The following GPC6 variants were observed in gnomAD, a reference collection of about 807,000 sequenced individuals.
GPC6 encodes glypican-6.
A neutral mutation model predicts 55.2 loss-of-function variants in GPC6; 14 were observed. That is an observed-to-expected ratio of 0.25 (90% confidence interval 0.17 to 0.40). GPC6 has a LOEUF of 0.40. Ranked by LOEUF, GPC6 falls within the 10% of genes least tolerant of loss-of-function variation. GPC6 has a pLI of 1.00. For synonymous variants in GPC6, 278 were observed against 259.6 expected (o/e 1.07, Z -0.68); for missense variants, 641 against 708.5 (o/e 0.90, Z 1.08).
At chr13:94,174,388 A>G (rs1888673765) in intron 4 of GPC6, among the ~76,000 whole-genome samples, 1 of 152,168 alleles carries the variant, frequency 6.6e-6, no homozygotes. Context: ...GAGTTAGAGG[A>G]CACAATGGGG....
intron 4 of GPC6, among the ~76,000 whole-genome samples, chr13:94,273,463 A>G (rs1892106861): frequency 6.6e-6 from 1 of 152,244 alleles, no homozygotes; most frequent in South Asian, 2.1e-4. Flanking sequence ...AGACTTAAAG[A>G]GAAGCTTAAT....
chr13:94,360,464 A>G (rs1015561441), intron 6 of GPC6, among the ~76,000 whole-genome samples: 3 of 152,146 alleles, frequency 2.0e-5, no homozygotes, highest in African/African-American at 7.2e-5. Flanking sequence ...GGCTGATTTA[A>G]AATGTTATCT....
At chr13:94,066,434 C>A (rs1343179357) in intron 4 of GPC6, among the ~76,000 whole-genome samples, 1 of 152,090 alleles carries the variant, frequency 6.6e-6, no homozygotes, top group Non-Finnish European at 1.5e-5. Context: ...AAAAAAGAGA[C>A]TATCACATAT....
chr13:93,909,078 G>T (rs1253647503), intron 3 of GPC6, among the ~76,000 whole-genome samples: 1 of 152,150 alleles, frequency 6.6e-6, no homozygotes, highest in Non-Finnish European at 1.5e-5. Context: ...GCAAAGGCAA[G>T]CACCTGAGTG....
rs554878031 is a variant in GPC6, at chr13:93,753,210, G to A, written c.320-76944G>A. The stretch of plus-strand genomic sequence containing the variant: ...TAGTGTCTCGTTACTTAGTGTTGGC[G>A]GAATGTCTTCCATGTCACTTCAGTG... On this transcript the variant is annotated intron_variant, in intron 2 of 8. Transcript: ENST00000377047. Among the ~76,000 whole-genome samples the A allele has an allele frequency of 3.9e-5, 6 of 152,190 alleles. No individual in the cohort carries two copies. The East Asian group carries it at 5.8e-4, about 15-fold the overall frequency.
At chr13:93,698,633 A>G (rs1594381588) in intron 2 of GPC6, among the ~76,000 whole-genome samples, 1 of 150,872 alleles carries the variant, frequency 6.6e-6, no homozygotes, top group Non-Finnish European at 1.5e-5. Context: ...TTCTGAATTG[A>G]TCATCTATTC....
chr13:94,200,950 C>G (rs1369395711), intron 4 of GPC6, among the ~76,000 whole-genome samples: 2 of 152,228 alleles, frequency 1.3e-5, no homozygotes, highest in African/African-American at 4.8e-5. Context: ...TGCCAGGAAA[C>G]AGGCAGCGCA....
At chr13:94,121,372 C>T (rs958278366) in intron 4 of GPC6, among the ~76,000 whole-genome samples, 12 of 148,248 alleles carry the variant, frequency 8.1e-5, no homozygotes, top group Admixed American at 6.7e-4. Context: ...AGGATAATTA[C>T]TTTTGTATAT....
intron 2 of GPC6, among the ~76,000 whole-genome samples, chr13:93,660,120 T>C (rs1041953982): frequency 6.6e-6 from 1 of 152,134 alleles, no homozygotes; most frequent in Non-Finnish European, 1.5e-5. Flanking sequence ...TTGTGTCTAT[T>C]TTTTATTATG....
chr13:94,029,996 C>T (rs924364266), intron 4 of GPC6, among the ~76,000 whole-genome samples: 24 of 150,430 alleles, frequency 1.6e-4, no homozygotes, highest in African/African-American at 5.6e-4. Flanking sequence ...CATACCCTTT[C>T]TTCCCGTCTT....
intron 2 of GPC6, among the ~76,000 whole-genome samples, chr13:93,694,746 C>G (rs1168141099): frequency 6.6e-6 from 1 of 152,142 alleles, no homozygotes. Context: ...TACTCTCAGG[C>G]AAACACTGAA....
At chr13:93,261,910 T>G (rs1317328702) in intron 1 of GPC6, among the ~76,000 whole-genome samples, 1 of 146,434 alleles carries the variant, frequency 6.8e-6, no homozygotes, top group Admixed American at 7.0e-5. Context: ...CACATTTATC[T>G]CCTATCTCTC....
intron 4 of GPC6, among the ~76,000 whole-genome samples, chr13:94,227,874 C>T (rs1890607553): frequency 1.3e-5 from 2 of 152,126 alleles, no homozygotes; most frequent in South Asian, 2.1e-4. Flanking sequence ...CCTGGAGAGT[C>T]TCATACCAGC....
At chr13:93,823,946 G>C (rs1484489742) in intron 2 of GPC6, among the ~76,000 whole-genome samples, 1 of 152,110 alleles carries the variant, frequency 6.6e-6, no homozygotes, top group Admixed American at 6.6e-5. Context: ...ATGAGATGCA[G>C]AAGTGGCAAA....
chr13:93,941,460 G>C (rs1467997382), intron 3 of GPC6, among the ~76,000 whole-genome samples: 1 of 152,236 alleles, frequency 6.6e-6, no homozygotes, highest in Non-Finnish European at 1.5e-5. Flanking sequence ...TGTGGCATGT[G>C]ATTAAGCAGC....
chr13:94,056,444 G>A (rs1884137292), intron 4 of GPC6, among the ~76,000 whole-genome samples: 1 of 152,118 alleles, frequency 6.6e-6, no homozygotes, highest in Non-Finnish European at 1.5e-5. Flanking sequence ...AATACACGTG[G>A]AGAATGTCAC....
At chr13:93,254,511 G>A (rs1876889538) in intron 1 of GPC6, among the ~76,000 whole-genome samples, 1 of 152,140 alleles carries the variant, frequency 6.6e-6, no homozygotes, top group African/African-American at 2.4e-5. Context: ...ACTTTTCTTA[G>A]GTAGATGGTG....
intron 2 of GPC6, among the ~76,000 whole-genome samples, chr13:93,697,478 A>G (rs987102353): frequency 1.3e-5 from 2 of 152,110 alleles, no homozygotes; most frequent in African/African-American, 4.8e-5. Context: ...TACTAATTTG[A>G]TTACTTTTCT....
chr13:93,286,118 C>T (rs932265099), intron 1 of GPC6, among the ~76,000 whole-genome samples: 6 of 152,028 alleles, frequency 3.9e-5, no homozygotes, highest in African/African-American at 1.4e-4. Context: ...CTCACAGTTC[C>T]ACATAGCTGG....
Sources: allele counts gnomAD v4.1 joint callset (sites outside exome capture counted in the v4.1 genomes callset), GRCh38; gene constraint gnomAD v4.1.1; transcripts MANE v1.5; gene names NCBI Gene and HGNC (gene_info 2026-07-23, HGNC 2026-07-21).